ANK2: variants seen among roughly 807,000 people sequenced by gnomAD.
ANK2 encodes ankyrin 2.
Under a neutral mutation model 360.5 loss-of-function variants are expected in ANK2, and 83 were observed. That is an observed-to-expected ratio of 0.23 (90% confidence interval 0.19 to 0.28). The LOEUF (loss-of-function observed/expected upper bound fraction) is 0.28, where lower values mean the gene tolerates loss of function less well. ANK2 is among the 10% of genes least tolerant of loss of function. ANK2 has a pLI of 1.00. For synonymous variants in ANK2, 1,740 were observed against 1,759.5 expected, an observed-to-expected ratio of 0.99 and a Z score of 0.28; for missense variants, 4,201 against 4,795.7, an observed-to-expected ratio of 0.88 and a Z score of 3.66.
intron 1 of ANK2, among the ~76,000 whole-genome samples, chr4:113,084,489 TTG>T (rs2083695115): frequency 1.3e-5 from 2 of 152,214 alleles, no homozygotes; most frequent in African/African-American, 2.4e-5. Context: ...ATTTAGGACT[TTG>T]CTTTAGAACT....
At chr4:112,736,404 G>T in the ANK2 span, among the ~76,000 whole-genome samples, 2 of 150,606 alleles carry the variant, frequency 1.3e-5, no homozygotes, top group South Asian at 2.1e-4. Flanking sequence ...GGTAGAGGTT[G>T]CTGTGAGCTG....
rs544195596 is a variant in ANK2 at position 113,365,133 on chromosome 4, T to C, written c.10983T>C (p.Ser3661=). ...CAGAACCTCTCCAGGAGCGCATCAG[T>C]CATAGTTATGCAGAAATTGAACAGA... ...TNTEPLQERI[S]HSYAEIEQTI... is the part of the protein sequence containing the mutation. Residue 3661 remains serine, a synonymous_variant, in exon 41 of 46, where the codon AGT becomes AGC. Transcript: ENST00000357077. 138 of 1,613,834 alleles carry C rather than the reference T, an allele frequency of 8.6e-5. No homozygotes were observed. Among genetic ancestry groups the C allele is most frequent in the Non-Finnish European group, 1.0e-4 (123 of 1,179,960 alleles).
rs1168737358 is a variant in ANK2 at position 112,845,376 on chromosome 4, A to T, written c.-40+27112A>T. ...ATAACTTCAGGATGCAGCAAATAGG[A>T]CTAGTTATTAAACAACAGGGACAAA... On this transcript the variant is annotated intron_variant, in intron 1 of 30. Coordinates refer to the ANK2 transcript ENST00000503271. Among the ~76,000 whole-genome samples the T allele has an allele frequency of 2.0e-5, 3 of 151,660 alleles. No homozygotes were observed. The East Asian group carries it at 5.8e-4, about 29-fold the overall frequency.
At chr4:112,769,582 A>G in the ANK2 span, among the ~76,000 whole-genome samples, 1 of 152,304 alleles carries the variant, frequency 6.6e-6, no homozygotes, top group African/African-American at 2.4e-5. Flanking sequence ...TCAATGCTGC[A>G]TAATTCCGAA....
At chr4:113,088,283 G>T (rs1223038699) in intron 1 of ANK2, among the ~76,000 whole-genome samples, 2 of 152,148 alleles carry the variant, frequency 1.3e-5, no homozygotes, top group African/African-American at 4.8e-5. Context: ...GTGCCTTCCT[G>T]GCTATGCTGA....
intron 9 of ANK2, among the ~76,000 whole-genome samples, 196 bp from the exon 10 acceptor site, chr4:113,249,568 G>A: frequency 6.6e-6 from 1 of 151,966 alleles, no homozygotes; most frequent in East Asian, 1.9e-4. Flanking sequence ...TCTCTTTCTT[G>A]TTCTCTGTGA....
intron 1 of ANK2, chr4:112,881,871 TC>T (rs2076784095): frequency 2.6e-6 from 2 of 759,402 alleles, no homozygotes; most frequent in African/African-American, 3.4e-5. Context: ...TTGAGAATAT[TC>T]TCTTGAGACC....
At chr4:113,021,574 A>ATATATATATATATT (rs2058192181) in intron 2 of ANK2, among the ~76,000 whole-genome samples, 1 of 136,700 alleles carries the variant, frequency 7.3e-6, no homozygotes, top group Non-Finnish European at 1.6e-5. Context: ...ATATATATAT[A>ATATATATATATATT]TATATGCCAA....
chr4:113,356,559 T>C lies in ANK2; in HGVS notation c.7941T>C (p.Ser2647=). 6.2e-7 allele frequency: 1 copy of C among 1,614,096 alleles called. No individual in the cohort carries two copies. The change falls in exon 38 of 46, where the codon AGT becomes AGC. Residue 2647 remains serine, a synonymous_variant. Coordinates refer to ENST00000357077, the MANE Select transcript of ANK2 (RefSeq NM_001148.6). ...PKHTGSGEDE[S]GVPVLVTSES... is the part of the protein sequence containing the mutation. Reference sequence around the variant, plus strand: ...ATACAGGCAGTGGGGAGGATGAAAGTGGTGTCCCTGTGTTAGTAACTTCGG... The same window carrying C: ...ATACAGGCAGTGGGGAGGATGAAAGCGGTGTCCCTGTGTTAGTAACTTCGG...
intron 4 of ANK2, among the ~76,000 whole-genome samples, chr4:113,221,822 T>C (rs2099155603): frequency 6.6e-6 from 1 of 152,234 alleles, no homozygotes; most frequent in Non-Finnish European, 1.5e-5. Flanking sequence ...AAATGCTTTC[T>C]TGGTAATTTA....
At chr4:112,964,578 T>C (rs1004974053) in intron 2 of ANK2, among the ~76,000 whole-genome samples, 4 of 150,998 alleles carry the variant, frequency 2.6e-5, no homozygotes, top group African/African-American at 7.3e-5. Flanking sequence ...TTTTTCTTTT[T>C]TTTTTTTTTT....
rs2096009046 is a variant in ANK2, at chr4:113,358,899, A to G, written c.10281A>G (p.Glu3427=). The change falls in exon 38 of 46, where the codon GAA becomes GAG. Residue 3427 remains glutamate (E), a synonymous_variant. Coordinates refer to ENST00000357077, the MANE Select transcript of ANK2 (RefSeq NM_001148.6). Reference sequence around the variant, plus strand: ...AGAGGGCCGAGGAACTTGAGTTAGAATCAGAAGAAGGGGCCACAAGACCAA... The same window carrying G: ...AGAGGGCCGAGGAACTTGAGTTAGAGTCAGAAGAAGGGGCCACAAGACCAA... The part of the protein sequence containing the change: ...SRERAEELEL[E]SEEGATRPKI... The G allele has an allele frequency of 1.2e-6, 2 of 1,614,046 alleles. No homozygotes were observed. The highest frequency in any genetic ancestry group is 1.7e-6 in the Non-Finnish European group (2 of 1,179,940).
upstream of ANK2, among the ~76,000 whole-genome samples, chr4:112,817,714 T>A (rs1449881967): frequency 6.6e-6 from 1 of 151,970 alleles, no homozygotes; most frequent in Admixed American, 6.6e-5. Context: ...CGGTGGGGTA[T>A]GGTGGTGGTA....
At chr4:113,225,112 A>G (rs970173749) in intron 4 of ANK2, among the ~76,000 whole-genome samples, 2 of 152,204 alleles carry the variant, frequency 1.3e-5, no homozygotes, top group Non-Finnish European at 2.9e-5. Context: ...AGAGAAAAGA[A>G]CAATAAAGAA....
the ANK2 span, among the ~76,000 whole-genome samples, chr4:112,747,418 A>G: frequency 6.6e-6 from 1 of 152,236 alleles, no homozygotes; most frequent in Non-Finnish European, 1.5e-5. Flanking sequence ...AATGTGTAAA[A>G]TGATAATGTA....
upstream of ANK2, among the ~76,000 whole-genome samples, chr4:113,047,166 G>A (rs562432429): frequency 2.0e-5 from 3 of 152,276 alleles, no homozygotes; most frequent in Admixed American, 2.0e-4. Context: ...CTGCTATTCT[G>A]TTTGCCTAGA....
At chr4:112,997,790 T>C (rs2049119054) in intron 2 of ANK2, among the ~76,000 whole-genome samples, 1 of 151,602 alleles carries the variant, frequency 6.6e-6, no homozygotes, top group Non-Finnish European at 1.5e-5. Flanking sequence ...TACAAATGAC[T>C]TAAACATATA....
At chr4:113,165,124 G>T (rs971636425) in intron 1 of ANK2, among the ~76,000 whole-genome samples, 1 of 152,132 alleles carries the variant, frequency 6.6e-6, no homozygotes, top group Non-Finnish European at 1.5e-5. Context: ...TCATTTTGGG[G>T]CATGTTGACT....
chr4:113,077,636 G>T (rs1289880368), intron 1 of ANK2, among the ~76,000 whole-genome samples: 1 of 152,218 alleles, frequency 6.6e-6, no homozygotes, highest in Non-Finnish European at 1.5e-5. Flanking sequence ...CATTGCCTTT[G>T]TGAGTTCTGT....
Sources: allele counts gnomAD v4.1 joint callset (sites outside exome capture counted in the v4.1 genomes callset), GRCh38; gene constraint gnomAD v4.1.1; transcripts MANE v1.5; gene names NCBI Gene and HGNC (gene_info 2026-07-23, HGNC 2026-07-21).